The following PPL variants were observed in gnomAD, a reference collection of about 807,000 sequenced individuals.
PPL encodes 190 kDa paraneoplastic pemphigus antigen.
In PPL, 198 loss-of-function variants were observed where a neutral mutation model predicts 194.4. The ratio of observed to expected loss-of-function variants is 1.02; its 90% CI spans 0.91 to 1.15. The LOEUF is 1.15. Among genes scored for constraint, PPL ranks in the 50% most tolerant of loss-of-function variants. The pLI is 0.00. For missense variants in PPL, 2,885 were observed against 2,294.8 expected (o/e 1.26, Z -5.25); for synonymous variants, 1,220 against 972.4 (o/e 1.25, Z -4.74).
intron 9 of PPL, among the ~76,000 whole-genome samples, chr16:4,896,647 T>G (rs1279329336): frequency 6.6e-6 from 1 of 151,006 alleles, no homozygotes; most frequent in East Asian, 1.9e-4. Flanking sequence ...TTGTTTTTTT[T>G]TTTTTTTTTT....
chr16:4,904,330 G>C (rs990557769), intron 2 of PPL, among the ~76,000 whole-genome samples: 1 of 152,144 alleles, frequency 6.6e-6, no homozygotes, highest in African/African-American at 2.4e-5. Flanking sequence ...CAAGGAGTTG[G>C]GACACAGCTG....
At position 4,900,943 on chromosome 16, in the gene PPL, CCACACCAG is replaced by C; in HGVS notation, c.564+13_564+20del. The C allele has an allele frequency of 1.9e-6, 3 of 1,614,086 alleles. No individual in the cohort carries two copies. Among genetic ancestry groups the C allele is most frequent in the Non-Finnish European group, 2.5e-6 (3 of 1,179,982 alleles). ...GGCCCCCTCCATCCCTGGGTCCCCA[CCACACCAG>C]CACACGCCCCACCTTGTCCCCGTCC... On this transcript the variant is annotated intron_variant, in intron 5 of 21. Transcript: ENST00000345988.
chr16:4,929,016 A>C (rs2089194712), intron 1 of PPL, among the ~76,000 whole-genome samples: 1 of 4,758 alleles, frequency 2.1e-4, no homozygotes, highest in Non-Finnish European at 7.0e-4. Context: ...TCTACCTTAA[A>C]AAAAAAAAAA....
intron 6 of PPL, among the ~76,000 whole-genome samples, chr16:4,900,013 C>G (rs2047672772): frequency 6.6e-6 from 1 of 152,124 alleles, no homozygotes; most frequent in Non-Finnish European, 1.5e-5. Flanking sequence ...TGTAGGAGCT[C>G]CATTTCTCAG....
Position 4,892,251 on chromosome 16 carries a change from A to G in PPL, c.1651-38T>C, listed in dbSNP as rs56352517. ...GGGCCCCTCAGTTTTGGACACAGCC[A>G]GGCAGCCCCTTCCCCTGAGGATGTG... On this transcript the variant is annotated intron_variant, in intron 14 of 21. Coordinates refer to ENST00000345988, the MANE Select transcript of PPL (RefSeq NM_002705.5). 650 of 1,587,780 alleles carry G rather than the reference A, an allele frequency of 4.1e-4. 2 individuals are homozygous for G. In the African/African-American group the frequency reaches 7.4e-3, roughly 18 times the overall value.
Position 4,893,640 on chromosome 16 carries a change from T to A in PPL, c.1395-2A>T, listed in dbSNP as rs1332299111. On this transcript the variant is annotated splice_acceptor_variant, in intron 12 of 21. Transcript: ENST00000345988. LOFTEE classifies it high-confidence loss of function. ...ACGCTCCGGTACTGGCTGCCCAGGC[T>A]GTGAGGACAGAAATGAGCTGGGAAC... 1 of 1,581,996 alleles carries A rather than the reference T, an allele frequency of 6.3e-7. No homozygotes were observed. Among genetic ancestry groups the A allele is most frequent in the African/African-American group, 1.3e-5 (1 of 74,098 alleles).
At chr16:4,928,503 G>A (rs1033747651) in intron 1 of PPL, among the ~76,000 whole-genome samples, 6 of 152,268 alleles carry the variant, frequency 3.9e-5, no homozygotes, top group Non-Finnish European at 7.3e-5. Flanking sequence ...GGCTGAGCCT[G>A]CAAGGCCGCA....
At chr16:4,901,342 A>G (rs1237601943) in intron 4 of PPL, among the ~76,000 whole-genome samples, 1 of 152,206 alleles carries the variant, frequency 6.6e-6, no homozygotes, top group Non-Finnish European at 1.5e-5. Flanking sequence ...ATGAGGACAC[A>G]GAGGCTGAGG....
rs556933604 is a variant in PPL at position 4,922,126 on chromosome 16, C to CCAAA, written c.63-11181_63-11178dup. ...GTGGCCCAGTGGTTAAGCACCCAGA[C>CCAAA]CAAAGCCAGACAGCCCGGGGTCAAA... On this transcript the variant is annotated intron_variant, in intron 1 of 21. Coordinates refer to ENST00000345988, the MANE Select transcript of PPL (RefSeq NM_002705.5). Among the ~76,000 whole-genome samples, 1,049 of 152,318 alleles carry CCAAA rather than the reference C, an allele frequency of 6.9e-3. 14 individuals are homozygous for CCAAA. The highest frequency in any genetic ancestry group is 0.023 in the African/African-American group (974 of 41,562).
At chr16:4,910,114 G>A (rs983161302) in intron 2 of PPL, among the ~76,000 whole-genome samples, 32 of 152,152 alleles carry the variant, frequency 2.1e-4, no homozygotes, top group South Asian at 4.1e-4. Context: ...GAGTCCCTCA[G>A]GGTACAGAGG....
intron 8 of PPL, among the ~76,000 whole-genome samples, 171 bp from the exon 9 acceptor site, chr16:4,897,941 A>G (rs1425475048): frequency 6.6e-6 from 1 of 152,070 alleles, no homozygotes; most frequent in African/African-American, 2.4e-5. Flanking sequence ...GGAGGAGGAG[A>G]GAGGGGTCAC....
chr16:4,923,674 G>A (rs1161086479), intron 1 of PPL, among the ~76,000 whole-genome samples: 1 of 152,082 alleles, frequency 6.6e-6, no homozygotes, highest in African/African-American at 2.4e-5. Flanking sequence ...TCTAACCCAG[G>A]TGTGGGCTCG....
rs770020590 is a variant in PPL at position 4,884,634 on chromosome 16, C to T, written c.4021G>A (p.Glu1341Lys). 3.3e-5 allele frequency: 53 copies of T among 1,614,080 alleles called. 1 individual carries two copies. Among genetic ancestry groups the T allele is most frequent in the Middle Eastern group, 3.3e-4 (2 of 6,084 alleles). The stretch of plus-strand genomic sequence containing the variant: ...CTTTCCTTCACCCGCGAGAGCTCCT[C>T]CTCTTTCCGGGCGATCTGCTCTTCC... ...SQEEQIARKEEELSRVKERVV... is the reference protein window; with the variant it reads ...SQEEQIARKEKELSRVKERVV... The change falls in exon 22 of 22, where the codon GAG becomes AAG. Residue 1341 changes from glutamate (E) to lysine (K), a missense_variant. Transcript: ENST00000345988. This position sits in a 1 kb window ranked among gnomAD's most constrained non-coding sequence, Gnocchi z 5.7.
Position 4,902,084 on chromosome 16 carries a change from C to T in PPL, c.438+322G>A, listed in dbSNP as rs1044510984. Among the ~76,000 whole-genome samples the T allele has an allele frequency of 7.9e-5, 12 of 152,182 alleles. No individual in the cohort carries two copies. Among genetic ancestry groups the T allele is most frequent in the Non-Finnish European group, 1.5e-4 (10 of 68,038 alleles). ...GGGAGCGACAGGCCAGAAGCCTGGCCGCTTCCGCCCCAGCCTGCCCACAAA... is the reference window on the plus strand; with the variant it reads ...GGGAGCGACAGGCCAGAAGCCTGGCTGCTTCCGCCCCAGCCTGCCCACAAA... On this transcript the variant is annotated intron_variant, in intron 4 of 21. Coordinates refer to ENST00000345988, the MANE Select transcript of PPL (RefSeq NM_002705.5). The surrounding 1 kb of genome is among the most constrained non-coding windows in gnomAD (Gnocchi z 4.0).
At chr16:4,887,372 T>TA (rs2088236295) in intron 20 of PPL, 145 bp from the exon 21 acceptor site, 1 of 666,484 alleles carries the variant, frequency 1.5e-6, no homozygotes, top group Middle Eastern at 4.2e-4. Flanking sequence ...TGCCTGGAGT[T>TA]AGACTGTAGC....
intron 3 of PPL, among the ~76,000 whole-genome samples, chr16:4,903,411 A>C (rs539655104): frequency 6.6e-6 from 1 of 152,284 alleles, no homozygotes; most frequent in East Asian, 1.9e-4. Flanking sequence ...CATCAAGAGG[A>C]TCATGTGAGG....
At position 4,890,716 on chromosome 16, in the gene PPL, C is replaced by T. The variant is rs779688769; in HGVS notation, c.2162+12G>A. 1 of 1,598,614 alleles carries T rather than the reference C, an allele frequency of 6.3e-7. No individual in the cohort carries two copies. Among genetic ancestry groups the T allele is most frequent in the South Asian group, 1.1e-5 (1 of 89,494 alleles). ...AGAAAACAAAAATGGCCACCACCCA[C>T]CGCACCCTCACCTGCGTTCCACCTG... On this transcript the variant is annotated intron_variant, in intron 17 of 21. Transcript: ENST00000345988.
chr16:4,914,161 G>A (rs1418164718), intron 1 of PPL, among the ~76,000 whole-genome samples: 4 of 152,190 alleles, frequency 2.6e-5, no homozygotes, highest in African/African-American at 7.2e-5. Flanking sequence ...GTCCTGGCAC[G>A]TCCCGTGGGG....
At chr16:4,898,984 G>T (rs760662169) in intron 8 of PPL, 29 bp downstream of exon 8, 1 of 1,594,978 alleles carries the variant, frequency 6.3e-7, no homozygotes, top group Non-Finnish European at 8.6e-7. Context: ...CCACCCTGGG[G>T]GAGGTGTCTG....
Sources: gnomAD v4.1 joint callset for allele counts (sites outside exome capture counted in the v4.1 genomes callset) on GRCh38, gnomAD v4.1.1 for gene constraint, Gnocchi (gnomAD v3.1) non-coding constraint, MANE v1.5 for transcripts, NCBI Gene and HGNC (gene_info 2026-07-23, HGNC 2026-07-21) for gene names.